The following TREM1 variants were observed in gnomAD, a reference collection of about 807,000 sequenced individuals.
TREM1 encodes triggering receptor expressed on myeloid cells 1.
A neutral mutation model predicts 22.4 loss-of-function variants in TREM1; 16 were observed. The observed-to-expected ratio is 0.71, with a 90% CI of 0.48 to 1.08. The LOEUF (loss-of-function observed/expected upper bound fraction) is 1.08. Ranked by LOEUF, TREM1 falls within the 50% of genes least tolerant of loss-of-function variation. The pLI, the probability that TREM1 is intolerant of heterozygous loss-of-function variation, is 0.00. For missense variants in TREM1, 283 were observed against 282.9 expected, an observed-to-expected ratio of 1.00 and a Z score of 0.00; for synonymous variants, 110 against 111.6, an observed-to-expected ratio of 0.99 and a Z score of 0.09.
chr6:41,271,781 C>A (rs773218949), downstream of TREM1, among the ~76,000 whole-genome samples: 14 of 152,278 alleles, frequency 9.2e-5, 1 homozygote, highest in South Asian at 6.2e-4. Context: ...TTCCCTTTCC[C>A]ATTTGTACCA....
chr6:41,267,763 C>A (rs1199812395), downstream of TREM1, among the ~76,000 whole-genome samples: 1 of 152,042 alleles, frequency 6.6e-6, no homozygotes, highest in East Asian at 1.9e-4. Flanking sequence ...ACACATGAAA[C>A]CAAATGAGTG....
downstream of TREM1, among the ~76,000 whole-genome samples, chr6:41,273,484 C>T (rs1046954360): frequency 6.6e-6 from 1 of 152,178 alleles, no homozygotes; most frequent in Admixed American, 6.5e-5. Context: ...GATCAGACAC[C>T]CTGCAAGGAT....
downstream of TREM1, among the ~76,000 whole-genome samples, chr6:41,269,274 G>A (rs1004037806): frequency 3.3e-5 from 5 of 152,236 alleles, no homozygotes; most frequent in African/African-American, 9.6e-5. Flanking sequence ...AGAAGCAACC[G>A]AAGGTCACCA....
chr6:41,285,021 T>C (rs1768100050), intron 1 of TREM1, among the ~76,000 whole-genome samples: 1 of 152,212 alleles, frequency 6.6e-6, no homozygotes, highest in South Asian at 2.1e-4. Flanking sequence ...GACTTCTCTA[T>C]CATAGGCACT....
intron 2 of TREM1, chr6:41,281,381 A>G (rs1240490044): frequency 5.7e-6 from 3 of 527,102 alleles, no homozygotes; most frequent in Non-Finnish European, 9.9e-6. Flanking sequence ...CAGAAATCGA[A>G]AAAAGGAAAG....
chr6:41,267,731 C>T (rs1424031371), downstream of TREM1, among the ~76,000 whole-genome samples: 1 of 152,156 alleles, frequency 6.6e-6, no homozygotes, highest in East Asian at 1.9e-4. Flanking sequence ...CATCTCTATA[C>T]ATAAAAATAC....
Position 41,281,071 on chromosome 6 carries a change from G to A in TREM1, c.489C>T (p.Cys163=). 1 of 1,614,230 alleles carries A rather than the reference G, an allele frequency of 6.2e-7. No individual in the cohort carries two copies. Among genetic ancestry groups the A allele is most frequent in the Non-Finnish European group, 8.5e-7 (1 of 1,180,040 alleles). Residue 163 remains cysteine (C), a synonymous_variant, in exon 3 of 4, where the codon TGC becomes TGT. Coordinates refer to ENST00000244709, the MANE Select transcript of TREM1 (RefSeq NM_018643.5). ...KIPPTTTKAL[C]PLYTSPRTVT... ...CAGTTCTGGGGCTGGTATAGAGTGG[G>A]CACAAGGCCTTAGTGGTGGTAGGAG...
chr6:41,278,657 A>C (rs1042952076), intron 3 of TREM1, among the ~76,000 whole-genome samples: 2 of 106,924 alleles, frequency 1.9e-5, no homozygotes, highest in African/African-American at 8.3e-5. Flanking sequence ...ACCGTGTCTC[A>C]AAAAAAAAAA....
intron 1 of TREM1, 51 bp from the exon 2 acceptor site, chr6:41,282,802 C>G: frequency 1.3e-6 from 2 of 1,495,828 alleles, no homozygotes; most frequent in Non-Finnish European, 1.8e-6. Flanking sequence ...TTTTCTCTCT[C>G]TGAGTGGGGA....
Position 41,282,512 on chromosome 6 carries a change from G to C in TREM1, c.289C>G (p.Arg97Gly). The C allele has an allele frequency of 6.2e-7, 1 of 1,614,162 alleles. No homozygotes were observed. Among genetic ancestry groups the C allele is most frequent in the Non-Finnish European group, 8.5e-7 (1 of 1,180,032 alleles). ...LEDYHDHGLLRVRMVNLQVED... is the reference protein window; with the variant it reads ...LEDYHDHGLLGVRMVNLQVED... ...ACTTGAAGGTTGACCATTCGGACGCGCAGTAAACCATGATCATGGTAGTCT... is the reference window on the plus strand; with the variant it reads ...ACTTGAAGGTTGACCATTCGGACGCCCAGTAAACCATGATCATGGTAGTCT... The change falls in exon 2 of 4, where the codon CGC (arginine) becomes GGC (glycine). Residue 97 changes from arginine to glycine, a missense_variant. Physicochemically the swap from Arg to Gly is moderately radical, Grantham distance 125. Transcript: ENST00000244709.
rs971268398 is a variant in TREM1 at position 41,286,665 on chromosome 6, G to A, written c.-10C>T. 11 of 1,613,882 alleles carry A rather than the reference G, an allele frequency of 6.8e-6. No individual in the cohort carries two copies. In the Admixed American group the frequency reaches 1.7e-4, roughly 24 times the overall value. ...GCCTGGTCTTCCTCATCCTTCCTGT[G>A]CACCAGCTCCAACTGCTGCTGAGGG... On this transcript the variant is annotated 5_prime_UTR_variant, in exon 1 of 4. Transcript: ENST00000244709.
At position 41,273,857 on chromosome 6, in the gene TREM1, C is replaced by T. The variant is rs1767564280; in HGVS notation, c.*2268G>A. 6.6e-6 allele frequency among the ~76,000 whole-genome samples: 1 copy of T among 152,198 alleles called. No individual in the cohort carries two copies. Among genetic ancestry groups the T allele is most frequent in the Admixed American group, 6.5e-5 (1 of 15,280 alleles). On this transcript the variant is annotated 3_prime_UTR_variant, in exon 4 of 4. Transcript: ENST00000244709. ...AGGGAGGGAGCCCTGAGGACAGAAACCCTGATCTGACTGTCTCCCCACCCT... is the reference window on the plus strand; with the variant it reads ...AGGGAGGGAGCCCTGAGGACAGAAATCCTGATCTGACTGTCTCCCCACCCT...
At chr6:41,272,424 G>C (rs1175164962), downstream of TREM1, among the ~76,000 whole-genome samples, 1 of 152,120 alleles carries the variant, frequency 6.6e-6, no homozygotes, top group Non-Finnish European at 1.5e-5. Context: ...ATCCCCCAAG[G>C]CCGGGTTCAA....
chr6:41,280,569 C>T (rs1160396362), intron 3 of TREM1: 1 of 1,182,250 alleles, frequency 8.5e-7, no homozygotes, highest in East Asian at 4.5e-5. Context: ...AGAGAGGGTT[C>T]CTGACTCACC....
chr6:41,281,760 G>C (rs1014949829), intron 2 of TREM1: 1 of 159,754 alleles, frequency 6.3e-6, no homozygotes, highest in Non-Finnish European at 1.4e-5. Flanking sequence ...TTATTTGCTA[G>C]GGGTGCAGAG....
chr6:41,272,656 C>T (rs1295364619), downstream of TREM1, among the ~76,000 whole-genome samples: 1 of 151,966 alleles, frequency 6.6e-6, no homozygotes, highest in Non-Finnish European at 1.5e-5. Flanking sequence ...TCTGCAAGAG[C>T]TGCATATAGG....
intron 3 of TREM1, among the ~76,000 whole-genome samples, chr6:41,276,469 G>A (rs1312974995): frequency 2.0e-5 from 3 of 152,084 alleles, no homozygotes; most frequent in Admixed American, 1.3e-4. Flanking sequence ...GAGACAGTCG[G>A]GCTGATCAGC....
At chr6:41,269,042 C>T (rs1767409889), downstream of TREM1, among the ~76,000 whole-genome samples, 1 of 152,168 alleles carries the variant, frequency 6.6e-6, no homozygotes, top group Admixed American at 6.5e-5. Flanking sequence ...CCCAGCCTGT[C>T]CTGATATTCA....
At chr6:41,285,864 G>A (rs1407526112) in intron 1 of TREM1, among the ~76,000 whole-genome samples, 2 of 152,204 alleles carry the variant, frequency 1.3e-5, no homozygotes, top group African/African-American at 4.8e-5. Context: ...GAGAGCCCAG[G>A]AGGATACCTC....
Sources: allele counts gnomAD v4.1 joint callset (sites outside exome capture counted in the v4.1 genomes callset), GRCh38; gene constraint gnomAD v4.1.1; transcripts MANE v1.5; gene names NCBI Gene and HGNC (gene_info 2026-07-23, HGNC 2026-07-21).